The following ASTN2 variants were observed in gnomAD, a reference collection of about 807,000 sequenced individuals.
The protein encoded by ASTN2 is astrotactin-2.
A neutral mutation model predicts 139.8 loss-of-function variants in ASTN2; 54 were observed. The observed-to-expected ratio is 0.39, with a 90% CI of 0.31 to 0.48. The LOEUF (loss-of-function observed/expected upper bound fraction) is 0.48. Ranked by LOEUF, ASTN2 falls within the 20% of genes least tolerant of loss-of-function variation. The pLI is 0.95. For missense variants in ASTN2, 1,565 were observed against 1,725.1 expected (o/e 0.91, Z 1.64); for synonymous variants, 756 against 719.5 (o/e 1.05, Z -0.81).
chr9:116,427,501 A>C (rs1847345336), intron 22 of ASTN2, among the ~76,000 whole-genome samples: 1 of 152,216 alleles, frequency 6.6e-6, no homozygotes, highest in South Asian at 2.1e-4. Flanking sequence ...TTTTCTCTGC[A>C]TTCCAGCATC....
At chr9:117,366,244 G>A (rs1315663372) in intron 1 of ASTN2, among the ~76,000 whole-genome samples, 1 of 152,134 alleles carries the variant, frequency 6.6e-6, no homozygotes, top group Non-Finnish European at 1.5e-5. Context: ...TGATCATGCT[G>A]ACAATGGCAA....
At chr9:117,065,134 G>A (rs1827897720) in intron 5 of ASTN2, among the ~76,000 whole-genome samples, 1 of 152,122 alleles carries the variant, frequency 6.6e-6, no homozygotes, top group African/African-American at 2.4e-5. Context: ...GGAACTTCGA[G>A]GATTGCTGAC....
chr9:117,214,751 G>C lies in ASTN2; in HGVS notation c.631-9C>G. Reference sequence around the variant, plus strand: ...AGCGCGATGAGGCCACCCTGGAGCAGGAAGGAAGGACACACAAATGGGCCA... The same window carrying C: ...AGCGCGATGAGGCCACCCTGGAGCACGAAGGAAGGACACACAAATGGGCCA... On this transcript the variant is annotated splice_polypyrimidine_tract_variant and intron_variant, in intron 2 of 22. Transcript: ENST00000313400. 6.8e-7 allele frequency: 1 copy of C among 1,475,236 alleles called. No homozygotes were observed. Among genetic ancestry groups the C allele is most frequent in the Non-Finnish European group, 9.0e-7 (1 of 1,112,818 alleles). The allele number at this position is 1,475,236 out of a possible 1,614,324, so 91.4% of individuals were successfully genotyped here. A position where few individuals can be genotyped will look rare whatever the true frequency, so the allele number is the denominator to read the frequency against.
chr9:116,556,193 C>T (rs1852604960), intron 19 of ASTN2, among the ~76,000 whole-genome samples: 1 of 152,206 alleles, frequency 6.6e-6, no homozygotes. Context: ...GTTGAGTGCT[C>T]AAGTCCTACC....
At chr9:117,018,261 A>G (rs1203768984) in intron 6 of ASTN2, among the ~76,000 whole-genome samples, 1 of 152,144 alleles carries the variant, frequency 6.6e-6, no homozygotes, top group Non-Finnish European at 1.5e-5. Context: ...AGGACCCACC[A>G]GCTTCACTAT....
At chr9:117,198,496 T>C (rs1220225114) in intron 3 of ASTN2, among the ~76,000 whole-genome samples, 2 of 152,208 alleles carry the variant, frequency 1.3e-5, no homozygotes, top group Non-Finnish European at 2.9e-5. Flanking sequence ...TGTGCCATGG[T>C]GGTTTGCTGC....
At chr9:116,428,345 G>A (rs1267036510) in intron 22 of ASTN2, among the ~76,000 whole-genome samples, 12 of 152,130 alleles carry the variant, frequency 7.9e-5, no homozygotes, top group African/African-American at 2.7e-4. Context: ...CCAACATACT[G>A]AAACCCTGTC....
At chr9:117,329,205 T>TA (rs398012002) in intron 1 of ASTN2, among the ~76,000 whole-genome samples, 14 of 141,772 alleles carry the variant, frequency 9.9e-5, no homozygotes, top group Admixed American at 1.4e-4. Context: ...TTTTTTTTTT[T>TA]ACTTTTTGAA....
At chr9:117,055,163 A>G (rs565455891) in intron 5 of ASTN2, among the ~76,000 whole-genome samples, 1 of 152,216 alleles carries the variant, frequency 6.6e-6, no homozygotes, top group Non-Finnish European at 1.5e-5. Flanking sequence ...CTTTCAGGCC[A>G]GCTCTGCCAG....
intron 11 of ASTN2, among the ~76,000 whole-genome samples, chr9:116,849,750 G>C (rs766354047): frequency 1.3e-5 from 2 of 152,084 alleles, no homozygotes; most frequent in African/African-American, 2.4e-5. Context: ...GGCTGGTATC[G>C]CTTCCCCATC....
At chr9:116,979,515 C>T (rs1192086150) in intron 7 of ASTN2, among the ~76,000 whole-genome samples, 2 of 151,984 alleles carry the variant, frequency 1.3e-5, no homozygotes, top group African/African-American at 2.4e-5. Flanking sequence ...TTTACCAAAG[C>T]GAGGAGGGGC....
intron 19 of ASTN2, among the ~76,000 whole-genome samples, chr9:116,549,819 A>C (rs1210165943): frequency 6.6e-6 from 1 of 152,118 alleles, no homozygotes; most frequent in Non-Finnish European, 1.5e-5. Context: ...AGGCCTCCCA[A>C]GTCTGGCCCT....
chr9:117,067,421 A>T (rs2132700621), intron 5 of ASTN2, among the ~76,000 whole-genome samples: 1 of 112,258 alleles, frequency 8.9e-6, no homozygotes, highest in East Asian at 3.1e-4. Flanking sequence ...CTTGTAGTAT[A>T]GTTTGAAGTC....
chr9:116,964,587 A>G (rs1299821475), intron 10 of ASTN2, among the ~76,000 whole-genome samples: 1 of 152,174 alleles, frequency 6.6e-6, no homozygotes, highest in African/African-American at 2.4e-5. Context: ...GCAGAGGATA[A>G]AAAATATGCG....
chr9:117,331,074 C>T (rs1828691544), intron 1 of ASTN2, among the ~76,000 whole-genome samples: 1 of 152,146 alleles, frequency 6.6e-6, no homozygotes, highest in Admixed American at 6.6e-5. Flanking sequence ...TTGGGTTTTC[C>T]GTCACTTTTG....
chr9:117,102,832 T>G (rs963638157), intron 4 of ASTN2, among the ~76,000 whole-genome samples: 5 of 152,086 alleles, frequency 3.3e-5, no homozygotes, highest in Non-Finnish European at 7.4e-5. Context: ...AATTAATGAT[T>G]AATTTTATCT....
At chr9:117,102,068 A>G (rs1355839383) in intron 4 of ASTN2, among the ~76,000 whole-genome samples, 1 of 152,220 alleles carries the variant, frequency 6.6e-6, no homozygotes, top group African/African-American at 2.4e-5. Flanking sequence ...TAGGGCATTC[A>G]AACAAGTATC....
rs71379245 is a variant in ASTN2 at position 116,956,094 on chromosome 9, C to CTTTTTTT, written c.1889+19107_1889+19113dup. 3.8e-4 allele frequency among the ~76,000 whole-genome samples: 45 copies of CTTTTTTT among 119,102 alleles called. 1 individual carries two copies. The highest frequency in any genetic ancestry group is 5.3e-4 in the Non-Finnish European group (32 of 59,968). The allele number at this position is 119,102 out of a possible 152,430, so 78.1% of individuals were successfully genotyped here. ...CAGAACTCTTTTTTCTTTTTCTTTT[C>CTTTTTTT]TTTTTTTTTTTTTTTTTTGAGATGG... is the stretch of plus-strand genomic sequence containing the variant. On this transcript the variant is annotated intron_variant, in intron 10 of 22. Coordinates refer to ENST00000313400, the MANE Select transcript of ASTN2 (RefSeq NM_001365068.1).
chr9:116,427,293 C>T (rs1425146056), intron 22 of ASTN2, among the ~76,000 whole-genome samples: 1 of 152,144 alleles, frequency 6.6e-6, no homozygotes, highest in Non-Finnish European at 1.5e-5. Context: ...ACTCTTGCCC[C>T]AGTGAAACTG....
Sources: allele counts gnomAD v4.1 joint callset (sites outside exome capture counted in the v4.1 genomes callset), GRCh38; gene constraint gnomAD v4.1.1; transcripts MANE v1.5; gene names NCBI Gene and HGNC (gene_info 2026-07-23, HGNC 2026-07-21).